Variants in OXR1 observed in about 807,000 individuals in gnomAD.
OXR1 encodes oxidation resistance protein 1.
OXR1 carries 41 observed loss-of-function variants against 104.6 expected under a neutral mutation model. The observed-to-expected ratio is 0.39, with a 90% confidence interval of 0.31 to 0.51. The LOEUF is 0.51. OXR1 is among the 20% of genes least tolerant of loss of function. The pLI is 0.77. For synonymous variants in OXR1, 348 were observed against 348.4 expected (o/e 1.00, Z 0.01); for missense variants, 955 against 1,031.9 (o/e 0.93, Z 1.02).
intron 3 of OXR1, among the ~76,000 whole-genome samples, chr8:106,641,964 G>T (rs1823685173): frequency 6.6e-6 from 1 of 151,992 alleles, no homozygotes; most frequent in African/African-American, 2.4e-5. Context: ...AAGAGATGGG[G>T]TCTTGCCATA....
intron 2 of OXR1, among the ~76,000 whole-genome samples, chr8:106,432,240 C>A (rs1296155539): frequency 6.6e-6 from 1 of 152,166 alleles, no homozygotes; most frequent in Non-Finnish European, 1.5e-5. Context: ...CTTTTCTTCA[C>A]CCAGCAGCCA....
rs137991528 is a variant in OXR1 at position 106,295,160 on chromosome 8, G to A, written c.-139+24793G>A. On this transcript the variant is annotated intron_variant, in intron 1 of 16. Coordinates refer to ENST00000517566, the MANE Select transcript of OXR1 (RefSeq NM_001198533.2). ...TGTACACTGCTGGGCATAATGGTTA[G>A]CACTTAACTTTGGGGTAACTACCAA... 8.4e-3 allele frequency among the ~76,000 whole-genome samples: 1,285 copies of A among 152,266 alleles called. 4 individuals carry two copies. Among genetic ancestry groups the A allele is most frequent in the Non-Finnish European group, 0.013 (890 of 68,018 alleles).
chr8:106,521,145 G>A (rs570395812), intron 3 of OXR1, among the ~76,000 whole-genome samples: 117 of 152,182 alleles, frequency 7.7e-4, no homozygotes, highest in African/African-American at 2.8e-3. Context: ...TTATTTTCAA[G>A]GCTAACATAT....
chr8:106,347,000 G>A (rs569947340), intron 1 of OXR1, among the ~76,000 whole-genome samples: 2 of 152,304 alleles, frequency 1.3e-5, no homozygotes, highest in Admixed American at 6.5e-5. Context: ...CCGAGATCGC[G>A]CCATTGCACT....
At chr8:106,512,225 T>C (rs1812579533) in intron 2 of OXR1, among the ~76,000 whole-genome samples, 1 of 152,182 alleles carries the variant, frequency 6.6e-6, no homozygotes, top group Non-Finnish European at 1.5e-5. Flanking sequence ...TGCCACATTA[T>C]GGATTCAATT....
intron 2 of OXR1, among the ~76,000 whole-genome samples, chr8:106,496,386 TA>T (rs1003557516): frequency 1.3e-5 from 2 of 151,970 alleles, no homozygotes; most frequent in African/African-American, 2.4e-5. Context: ...AACAAACAAT[TA>T]AAAAAAACAG....
At chr8:106,700,043 A>AT (rs934279946) in intron 7 of OXR1, among the ~76,000 whole-genome samples, 3 of 151,816 alleles carry the variant, frequency 2.0e-5, no homozygotes, top group South Asian at 2.1e-4. Flanking sequence ...GATAGACTTT[A>AT]TTTTTTTTAC....
At chr8:106,487,776 T>A (rs1375295055) in intron 2 of OXR1, among the ~76,000 whole-genome samples, 1 of 151,808 alleles carries the variant, frequency 6.6e-6, no homozygotes, top group Non-Finnish European at 1.5e-5. Flanking sequence ...GGCTGCATAG[T>A]ATTCCATGGT....
chr8:106,608,600 G>A (rs1344165888), intron 3 of OXR1, among the ~76,000 whole-genome samples: 1 of 152,118 alleles, frequency 6.6e-6, no homozygotes, highest in African/African-American at 2.4e-5. Flanking sequence ...TTTTCTATAT[G>A]CGAGAGGCTT....
intron 3 of OXR1, chr8:106,657,359 T>G (rs1362478434): frequency 6.6e-6 from 1 of 151,722 alleles, no homozygotes; most frequent in African/African-American, 2.4e-5. Context: ...AAGTTTTATG[T>G]AATGCACTCC....
chr8:106,669,391 A>G (rs750195375), intron 3 of OXR1, among the ~76,000 whole-genome samples: 1 of 152,204 alleles, frequency 6.6e-6, no homozygotes, highest in Non-Finnish European at 1.5e-5. Context: ...ATGGAGTAGT[A>G]TCTAGAAAAA....
At chr8:106,727,880 T>G (rs562088923) in intron 11 of OXR1, among the ~76,000 whole-genome samples, 97 of 152,320 alleles carry the variant, frequency 6.4e-4, no homozygotes, top group African/African-American at 2.3e-3. Context: ...TAGAATTATT[T>G]CCCATTTTGA....
intron 7 of OXR1, among the ~76,000 whole-genome samples, chr8:106,698,632 C>T (rs1242283843): frequency 6.6e-6 from 1 of 152,034 alleles, no homozygotes; most frequent in Non-Finnish European, 1.5e-5. Context: ...TTTAAATTCA[C>T]CAATTTTTTT....
At chr8:106,296,836 C>T (rs1813019002) in intron 1 of OXR1, among the ~76,000 whole-genome samples, 1 of 152,192 alleles carries the variant, frequency 6.6e-6, no homozygotes, top group African/African-American at 2.4e-5. Flanking sequence ...TGTCTTTGCC[C>T]ATGCTAGTAT....
rs10668587 is a variant in OXR1 at position 106,450,764 on chromosome 8, CTTT to C, written c.24-68168_24-68166del. On this transcript the variant is annotated intron_variant, in intron 2 of 16. Transcript: ENST00000517566. ...TTTTACAGAGCTCTGAAAGAGGGTG[CTTT>C]TTTTTTTTTTAAGTTTTAGTTTTAA... 3.4e-5 allele frequency among the ~76,000 whole-genome samples: 5 copies of C among 146,008 alleles called. No individual in the cohort carries two copies. The South Asian group carries it at 1.1e-3, about 32-fold the overall frequency.
At chr8:106,643,344 C>T (rs770984231) in intron 3 of OXR1, among the ~76,000 whole-genome samples, 1 of 152,112 alleles carries the variant, frequency 6.6e-6, no homozygotes, top group Admixed American at 6.5e-5. Context: ...TTTATAAAAA[C>T]AGATGGCCGG....
intron 1 of OXR1, among the ~76,000 whole-genome samples, chr8:106,293,039 G>A (rs959269666): frequency 2.0e-5 from 3 of 152,174 alleles, no homozygotes; most frequent in South Asian, 2.1e-4. Context: ...TGTGGTAAAG[G>A]TAGCTGGATC....
chr8:106,704,651 G>A (rs999325310), intron 8 of OXR1, among the ~76,000 whole-genome samples: 1 of 151,932 alleles, frequency 6.6e-6, no homozygotes, highest in Admixed American at 6.6e-5. Context: ...ACTGGCGTAG[G>A]CCTGCCAAAG....
At chr8:106,565,765 T>A (rs1398867865) in intron 3 of OXR1, among the ~76,000 whole-genome samples, 3 of 152,162 alleles carry the variant, frequency 2.0e-5, no homozygotes, top group Non-Finnish European at 4.4e-5. Context: ...AGCATGGTAC[T>A]GCTACCAAAA....
Sources: allele counts gnomAD v4.1 joint callset (sites outside exome capture counted in the v4.1 genomes callset), GRCh38; gene constraint gnomAD v4.1.1; transcripts MANE v1.5; gene names NCBI Gene and HGNC (gene_info 2026-07-23, HGNC 2026-07-21).